Variants in HAUS6 observed in about 807,000 individuals in gnomAD.
HAUS6 encodes the protein HAUS augmin like complex subunit 6.
HAUS6 carries 80 observed loss-of-function variants against 106.8 expected under a neutral mutation model. The observed-to-expected ratio is 0.75, with a 90% CI of 0.63 to 0.90. The LOEUF (loss-of-function observed/expected upper bound fraction) is 0.90. Among genes scored for constraint, HAUS6 ranks in the 40% least tolerant of loss-of-function variants. HAUS6 has a pLI of 0.00. For synonymous variants in HAUS6, 356 were observed against 379.1 expected (o/e 0.94, Z 0.71); for missense variants, 1,155 against 1,118.1 (o/e 1.03, Z -0.47).
intron 12 of HAUS6, among the ~76,000 whole-genome samples, chr9:19,069,477 TC>T (rs1383322121): frequency 6.6e-6 from 1 of 151,076 alleles, no homozygotes; most frequent in African/African-American, 2.4e-5. Context: ...TCACCTGAGA[TC>T]AGGAGTTCGA....
intron 14 of HAUS6, among the ~76,000 whole-genome samples, chr9:19,061,287 AAC>A (rs1163034327): frequency 2.0e-5 from 3 of 152,232 alleles, no homozygotes; most frequent in Non-Finnish European, 2.9e-5. Flanking sequence ...CCCTGTCATA[AAC>A]ACTCTTAAAG....
chr9:19,057,983 A>C lies in HAUS6; in HGVS notation c.2784T>G (p.Leu928=), dbSNP rs1836511306. The change falls in exon 16 of 17, where the codon CTT becomes CTG. Residue 928 remains leucine (L), a synonymous_variant. Coordinates refer to ENST00000380502, the MANE Select transcript of HAUS6 (RefSeq NM_017645.5). ...QRLRTTIACS[L]GELPNLKEED... ...TACCCTTTAAATTAGGTAGTTCTCC[A>C]AGACTACATGCTATTGTGGTTCTCA... 1 of 1,606,408 alleles carries C rather than the reference A, an allele frequency of 6.2e-7. No individual in the cohort carries two copies. Among genetic ancestry groups the C allele is most frequent in the Non-Finnish European group, 8.5e-7 (1 of 1,174,016 alleles).
At chr9:19,083,627 C>T (rs986081921) in intron 7 of HAUS6, among the ~76,000 whole-genome samples, 1 of 151,650 alleles carries the variant, frequency 6.6e-6, no homozygotes, top group African/African-American at 2.4e-5. Context: ...ACGGTGAAAC[C>T]CCGTCTCTAA....
chr9:19,097,837 A>G (rs1817896162), intron 1 of HAUS6, among the ~76,000 whole-genome samples: 1 of 152,212 alleles, frequency 6.6e-6, no homozygotes, highest in Non-Finnish European at 1.5e-5. Flanking sequence ...CACAACTATA[A>G]GGAATCAAGA....
intron 14 of HAUS6, 73 bp from the exon 15 acceptor site, chr9:19,060,296 G>A (rs1263265886): frequency 1.6e-6 from 2 of 1,213,056 alleles, no homozygotes; most frequent in African/African-American, 1.5e-5. Context: ...CCCCTGATAA[G>A]GATAATAAGC....
rs190139758 is a variant in HAUS6 at position 19,099,807 on chromosome 9, T to G, written c.128+2717A>C. ...GCTCATGTCTGTAATCCCAGCACTT[T>G]GGGAGGCTGACGCGGGAGGATCACT... On this transcript the variant is annotated intron_variant, in intron 1 of 16. Coordinates refer to ENST00000380502, the MANE Select transcript of HAUS6 (RefSeq NM_017645.5). Among the ~76,000 whole-genome samples, 396 of 152,286 alleles carry G rather than the reference T, an allele frequency of 2.6e-3. 2 individuals carry two copies. The highest frequency in any genetic ancestry group is 9.3e-3 in the African/African-American group (386 of 41,556).
intron 8 of HAUS6, 40 bp from the exon 9 acceptor site, chr9:19,080,712 G>T: frequency 1.8e-6 from 2 of 1,128,428 alleles, no homozygotes; most frequent in Non-Finnish European, 2.6e-6. Context: ...TGAACTATAG[G>T]TTGTTACAAC....
intron 4 of HAUS6, among the ~76,000 whole-genome samples, chr9:19,092,616 C>CGG (rs202007285): frequency 1.2e-5 from 1 of 82,424 alleles, no homozygotes; most frequent in African/African-American, 5.1e-5. Flanking sequence ...AACTCCGTCT[C>CGG]GGAAAAAAAA....
rs1173737244 is a variant in HAUS6, at chr9:19,063,162, T to G, written c.1475A>C (p.Asn492Thr). The G allele has an allele frequency of 1.2e-6, 2 of 1,603,860 alleles. No individual in the cohort carries two copies. The highest frequency in any genetic ancestry group is 1.7e-6 in the Non-Finnish European group (2 of 1,172,942). The part of the protein sequence containing the change: ...DTKMGTPKEK[N>T]EAISKKIPEF... The stretch of plus-strand genomic sequence containing the variant: ...TGGTATTTTCTTAGAAATTGCTTCA[T>G]TTTTTTCTTTGGGAGTTCCCATCTT... The change falls in exon 14 of 17, where the codon AAT (asparagine) becomes ACT (threonine). Residue 492 changes from asparagine (N) to threonine (T), a missense_variant. Physicochemically the swap from Asn to Thr is moderately conservative, Grantham distance 65. Coordinates refer to ENST00000380502, the MANE Select transcript of HAUS6 (RefSeq NM_017645.5).
intron 14 of HAUS6, among the ~76,000 whole-genome samples, chr9:19,062,305 T>G (rs1010601517): frequency 6.6e-6 from 1 of 151,986 alleles, no homozygotes; most frequent in Non-Finnish European, 1.5e-5. Flanking sequence ...GTTCTAATAT[T>G]CAAAAAAAAG....
At chr9:19,098,513 C>T (rs1817911190) in intron 1 of HAUS6, among the ~76,000 whole-genome samples, 2 of 151,316 alleles carry the variant, frequency 1.3e-5, no homozygotes, top group East Asian at 3.9e-4. Context: ...AGGTCCAATA[C>T]AGTGGTCAAT....
At chr9:19,061,559 G>A (rs780228617) in intron 14 of HAUS6, among the ~76,000 whole-genome samples, 8 of 152,084 alleles carry the variant, frequency 5.3e-5, no homozygotes, top group Non-Finnish European at 1.0e-4. Context: ...ATCCAGTCAG[G>A]CATGGTGGCT....
At chr9:19,071,576 T>TG (rs1030848460) in intron 11 of HAUS6, among the ~76,000 whole-genome samples, 1 of 145,194 alleles carries the variant, frequency 6.9e-6, no homozygotes, top group Non-Finnish European at 1.5e-5. Flanking sequence ...ATATTTTCTT[T>TG]TTTTTTTTTT....
intron 11 of HAUS6, among the ~76,000 whole-genome samples, chr9:19,074,316 G>T (rs1464705693): frequency 6.6e-6 from 1 of 152,144 alleles, no homozygotes; most frequent in Non-Finnish European, 1.5e-5. Flanking sequence ...GTCCAGGCTA[G>T]AGCATTGTGC....
In HAUS6 at chr9:19,096,500, G is replaced by C. The variant is rs1817864759; in HGVS notation, c.224+174C>G. 2.1e-5 allele frequency among the ~76,000 whole-genome samples: 3 copies of C among 142,550 alleles called. No homozygotes were observed. In the South Asian group the frequency reaches 6.6e-4, roughly 31 times the overall value. The allele number at this position is 142,550 out of a possible 152,430, so 93.5% of individuals were successfully genotyped here. A position where few individuals can be genotyped will look rare whatever the true frequency, so the allele number is the denominator to read the frequency against. On this transcript the variant is annotated intron_variant, in intron 2 of 16. Coordinates refer to ENST00000380502, the MANE Select transcript of HAUS6 (RefSeq NM_017645.5). Reference sequence around the variant, plus strand: ...GAATTTCTTGAACCCAGGAGGCAGAGGTTGCAGTGAGCCTAGATCACGCCA... The same window carrying C: ...GAATTTCTTGAACCCAGGAGGCAGACGTTGCAGTGAGCCTAGATCACGCCA...
chr9:19,062,295 G>T (rs549834298), intron 14 of HAUS6, among the ~76,000 whole-genome samples: 1 of 152,112 alleles, frequency 6.6e-6, no homozygotes, highest in Admixed American at 6.5e-5. Flanking sequence ...ATTGCAGTGT[G>T]TTCTAATATT....
intron 12 of HAUS6, among the ~76,000 whole-genome samples, chr9:19,066,392 T>C (rs1245315857): frequency 2.6e-5 from 4 of 152,284 alleles, no homozygotes; most frequent in Admixed American, 2.0e-4. Context: ...AAAATAAAAA[T>C]AGAAACTATA....
At position 19,076,676 on chromosome 9, in the gene HAUS6, G is replaced by C; in HGVS notation, c.1220C>G (p.Pro407Arg). The C allele has an allele frequency of 6.4e-7, 1 of 1,555,880 alleles. No homozygotes were observed. The highest frequency in any genetic ancestry group is 8.9e-7 in the Non-Finnish European group (1 of 1,127,654). ...PSVDLLPPMS[P>R]LSFDPASEEV... ...TTCTGAGGCAGGATCAAACGAAAGG[G>C]GAGACATTGGTGGTAAAAGATCTAC... The change falls in exon 11 of 17, where the codon CCC becomes CGC. Residue 407 changes from proline to arginine, a missense_variant. This residue lies in a region of HAUS6 where 761 missense variants were observed against 690.0 expected (regional missense o/e 1.10). Coordinates refer to ENST00000380502, the MANE Select transcript of HAUS6 (RefSeq NM_017645.5).
At chr9:19,084,620 CT>C (rs762192250) in intron 7 of HAUS6, among the ~76,000 whole-genome samples, 4 of 149,252 alleles carry the variant, frequency 2.7e-5, no homozygotes, top group African/African-American at 5.0e-5. Context: ...AATTAGTTCA[CT>C]TTTTTTCTTT....
Sources: gnomAD v4.1 joint callset for allele counts (sites outside exome capture counted in the v4.1 genomes callset) on GRCh38, gnomAD v4.1.1 for gene constraint, gnomAD v4.1.1 regional missense constraint, MANE v1.5 for transcripts, NCBI Gene and HGNC (gene_info 2026-07-23, HGNC 2026-07-21) for gene names.